ARMC8: variants seen among roughly 807,000 people sequenced by gnomAD.
The protein encoded by ARMC8 is armadillo repeat-containing protein 8.
ARMC8 carries 20 observed loss-of-function variants against 99.3 expected under a neutral mutation model. That is an observed-to-expected ratio of 0.20 (90% confidence interval 0.14 to 0.29). The LOEUF is 0.29. Among genes scored for constraint, ARMC8 ranks in the 10% least tolerant of loss-of-function variants. The probability of loss-of-function intolerance (pLI) is 1.00; values close to 1 mark genes in which losing one functional copy is unlikely to be tolerated. For synonymous variants in ARMC8, 263 were observed against 278.3 expected (o/e 0.95, Z 0.55); for missense variants, 569 against 809.5 (o/e 0.70, Z 3.60).
chr3:138,250,396 G>T (rs1481209368), intron 12 of ARMC8, among the ~76,000 whole-genome samples: 1 of 152,080 alleles, frequency 6.6e-6, no homozygotes, highest in Non-Finnish European at 1.5e-5. Context: ...TAAGAGGTTT[G>T]CAATGAAGAA....
intron 6 of ARMC8, among the ~76,000 whole-genome samples, chr3:138,233,030 G>A (rs1292393640): frequency 6.6e-6 from 1 of 152,016 alleles, no homozygotes; most frequent in Non-Finnish European, 1.5e-5. Context: ...AACTAGGTAA[G>A]AAAAAAAGGG....
In ARMC8 at chr3:138,201,436, C is replaced by CTTTTTTTTTTTTTTTTT. The variant is rs58707271; in HGVS notation, c.46-8356_46-8340dup. ...TAGAGTCCTTGTCTTCTTCCCCTCC[C>CTTTTTTTTTTTTTTTTT]TTTTTTTTTTTTTTTTTTTTTTTTT... On this transcript the variant is annotated intron_variant, in intron 1 of 21. Transcript: ENST00000469044. 9.2e-5 allele frequency among the ~76,000 whole-genome samples: 6 copies of CTTTTTTTTTTTTTTTTT among 64,996 alleles called. 2 individuals are homozygous for CTTTTTTTTTTTTTTTTT. The highest frequency in any genetic ancestry group is 1.7e-4 in the Non-Finnish European group (5 of 29,394). The allele number at this position is 64,996 out of a possible 152,430, so 42.6% of individuals were successfully genotyped here.
intron 12 of ARMC8, among the ~76,000 whole-genome samples, chr3:138,248,497 G>T (rs950457188): frequency 1.3e-5 from 2 of 152,200 alleles, no homozygotes; most frequent in African/African-American, 2.4e-5. Context: ...CAGTTAATGG[G>T]ATATTAAAAA....
intron 1 of ARMC8, among the ~76,000 whole-genome samples, chr3:138,207,520 G>A (rs949418583): frequency 1.3e-5 from 2 of 152,178 alleles, no homozygotes; most frequent in East Asian, 3.8e-4. Context: ...GCTATAGACA[G>A]TAAAGATAGA....
Position 138,228,925 on chromosome 3 carries a change from C to T in ARMC8, c.443C>T (p.Thr148Ile). 6.2e-7 allele frequency: 1 copy of T among 1,605,948 alleles called. No individual in the cohort carries two copies. The highest frequency in any genetic ancestry group is 8.5e-7 in the Non-Finnish European group (1 of 1,174,754). The change falls in exon 6 of 22, where the codon ACA (threonine) becomes ATA (isoleucine). Residue 148 changes from threonine (T) to isoleucine (I), a missense_variant. Coordinates refer to ENST00000469044, the MANE Select transcript of ARMC8 (RefSeq NM_001363941.2). ...TGTGTTCTCCTTCCCTAGGATGCCACAGTGATACCACACCTCATGGCACTG... is the reference window on the plus strand; with the variant it reads ...TGTGTTCTCCTTCCCTAGGATGCCATAGTGATACCACACCTCATGGCACTG... ...TPEELLYTDA[T>I]VIPHLMALLS...
intron 2 of ARMC8, 30 bp from the exon 3 acceptor site, chr3:138,221,896 A>G (rs368427196): frequency 1.1e-4 from 177 of 1,553,400 alleles, no homozygotes; most frequent in Non-Finnish European, 1.5e-4. Flanking sequence ...CTGTCTCAAC[A>G]TACTTTATTT....
intron 2 of ARMC8, among the ~76,000 whole-genome samples, chr3:138,211,138 T>G (rs1450368002): frequency 1.3e-5 from 2 of 152,170 alleles, no homozygotes; most frequent in Non-Finnish European, 2.9e-5. Context: ...TCAGTTTGGG[T>G]TGTACCTACA....
intron 14 of ARMC8, among the ~76,000 whole-genome samples, chr3:138,265,138 C>T (rs544471558): frequency 1.3e-5 from 2 of 152,148 alleles, no homozygotes; most frequent in African/African-American, 4.8e-5. Context: ...CTCAAGTGAT[C>T]CTGCCTTGGC....
At chr3:138,242,914 A>G (rs1187900788) in intron 11 of ARMC8, among the ~76,000 whole-genome samples, 1 of 152,112 alleles carries the variant, frequency 6.6e-6, no homozygotes, top group East Asian at 1.9e-4. Flanking sequence ...TTAGTAATGT[A>G]CTCTACTCTC....
Position 138,209,907 on chromosome 3 carries a change from A to G in ARMC8, c.122+14A>G, listed in dbSNP as rs758627941. 1.9e-6 allele frequency: 3 copies of G among 1,596,406 alleles called. No individual in the cohort carries two copies. Among genetic ancestry groups the G allele is most frequent in the Admixed American group, 1.7e-5 (1 of 59,026 alleles). On this transcript the variant is annotated intron_variant, in intron 2 of 21. Coordinates refer to ENST00000469044, the MANE Select transcript of ARMC8 (RefSeq NM_001363941.2). ...ACAAGGTGTCATGTAAGTAGTATGTATTTAAGAGTCTATCAAAAAGTTGTT... is the reference window on the plus strand; with the variant it reads ...ACAAGGTGTCATGTAAGTAGTATGTGTTTAAGAGTCTATCAAAAAGTTGTT...
intron 11 of ARMC8, among the ~76,000 whole-genome samples, chr3:138,244,736 C>T (rs2046801854): frequency 6.6e-6 from 1 of 152,214 alleles, no homozygotes; most frequent in African/African-American, 2.4e-5. Context: ...TGAAGGAGAA[C>T]ATTTCAAAGA....
intron 10 of ARMC8, 108 bp downstream of exon 10, chr3:138,239,636 G>T: frequency 1.6e-6 from 1 of 631,428 alleles, no homozygotes; most frequent in South Asian, 2.5e-5. Flanking sequence ...TGATATATGT[G>T]CATGGCGTAG....
chr3:138,238,179 T>C (rs1199171448), intron 9 of ARMC8: 1 of 151,996 alleles, frequency 6.6e-6, no homozygotes, highest in African/African-American at 2.4e-5. Flanking sequence ...GCAATTCTCC[T>C]GCCTCAGCCT....
At chr3:138,281,805 C>T (rs955082162) in intron 18 of ARMC8, among the ~76,000 whole-genome samples, 4 of 152,118 alleles carry the variant, frequency 2.6e-5, no homozygotes, top group Non-Finnish European at 4.4e-5. Context: ...CCTTTATATT[C>T]TGTTTTAGTG....
chr3:138,215,278 G>A (rs1389287709), intron 2 of ARMC8, among the ~76,000 whole-genome samples: 4 of 151,736 alleles, frequency 2.6e-5, no homozygotes, highest in Non-Finnish European at 2.9e-5. Context: ...GTGCAATGGC[G>A]TGGTCTGGGC....
chr3:138,246,323 T>C, intron 12 of ARMC8: 1 of 985,658 alleles, frequency 1.0e-6, no homozygotes, highest in Non-Finnish European at 1.2e-6. Context: ...GAAGTGTTTT[T>C]AGTGTATCCC....
At position 138,287,394 on chromosome 3, in the gene ARMC8, G is replaced by A. The variant is rs541966808; in HGVS notation, c.1822-1654G>A. ...TTCTTTAAGTCTCTGTTTAAGTATT[G>A]CCACCCTCAAAGAGATCTGTTTTGT... On this transcript the variant is annotated intron_variant, in intron 19 of 21. Coordinates refer to ENST00000469044, the MANE Select transcript of ARMC8 (RefSeq NM_001363941.2). Among the ~76,000 whole-genome samples the A allele has an allele frequency of 5.9e-5, 9 of 152,168 alleles. No homozygotes were observed. The South Asian group carries it at 8.3e-4, about 14-fold the overall frequency.
chr3:138,236,323 C>T (rs1175995602), intron 7 of ARMC8, among the ~76,000 whole-genome samples: 1 of 152,206 alleles, frequency 6.6e-6, no homozygotes, highest in Non-Finnish European at 1.5e-5. Flanking sequence ...TCAGCACTTG[C>T]ACATCAAGAA....
At chr3:138,285,149 A>T (rs2050284465) in intron 19 of ARMC8, among the ~76,000 whole-genome samples, 1 of 152,212 alleles carries the variant, frequency 6.6e-6, no homozygotes. Flanking sequence ...ACATGGGCAC[A>T]GCTCCTCCTA....
Sources: gnomAD v4.1 joint callset for allele counts (sites outside exome capture counted in the v4.1 genomes callset) on GRCh38, gnomAD v4.1.1 for gene constraint, MANE v1.5 for transcripts, NCBI Gene and HGNC (gene_info 2026-07-23, HGNC 2026-07-21) for gene names.